EFHC1: variants seen among roughly 807,000 people sequenced by gnomAD.
EFHC1 encodes the protein EF-hand domain-containing protein 1.
EFHC1 carries 53 observed loss-of-function variants against 69.9 expected under a neutral mutation model. The observed-to-expected ratio is 0.76, with a 90% CI of 0.61 to 0.95. EFHC1 has a LOEUF of 0.95. Among genes scored for constraint, EFHC1 ranks in the 40% least tolerant of loss-of-function variants. The probability of loss-of-function intolerance (pLI) is 0.00; values close to 1 mark genes in which losing one functional copy is unlikely to be tolerated. For missense variants in EFHC1, 739 were observed against 798.7 expected, an observed-to-expected ratio of 0.93 and a Z score of 0.90; for synonymous variants, 256 against 278.4, an observed-to-expected ratio of 0.92 and a Z score of 0.80.
intron 5 of EFHC1, among the ~76,000 whole-genome samples, chr6:52,455,600 G>A (rs142666336): frequency 0.037 from 5,571 of 151,998 alleles, 325 homozygotes; most frequent in African/African-American, 0.12. Flanking sequence ...GTTGTGGCGA[G>A]CCAAGATCGT....
Position 52,494,667 on chromosome 6 carries a change from T to A in EFHC1, c.*2326T>A, listed in dbSNP as rs556066954. ...CCCAGGTAGTGAGCATAGTGCCCAG[T>A]AAGTAGTTTTTCCACACATACCCCC... On this transcript the variant is annotated 3_prime_UTR_variant, in exon 11 of 11. Coordinates refer to ENST00000371068, the MANE Select transcript of EFHC1 (RefSeq NM_018100.4). 1.1e-5 allele frequency: 5 copies of A among 454,090 alleles called. No individual in the cohort carries two copies. The highest frequency in any genetic ancestry group is 7.8e-5 in the South Asian group (5 of 64,476). The allele number at this position is 454,090 out of a possible 1,614,324, so 28.1% of individuals were successfully genotyped here. A position where few individuals can be genotyped will look rare whatever the true frequency, so the allele number is the denominator to read the frequency against.
At chr6:52,423,662 T>TTTTTTTTTTC in intron 1 of EFHC1, 1 of 418,912 alleles carries the variant, frequency 2.4e-6, no homozygotes, top group South Asian at 3.3e-5. Flanking sequence ...AGCTAATTTT[T>TTTTTTTTTTC]TTTTTTTTTT....
chr6:52,491,241 T>A (rs1765896081), intron 10 of EFHC1, among the ~76,000 whole-genome samples: 1 of 152,246 alleles, frequency 6.6e-6, no homozygotes, highest in African/African-American at 2.4e-5. Context: ...GCCCAACTTT[T>A]GATTTTCAAA....
chr6:52,447,478 A>G (rs991263216), intron 3 of EFHC1, among the ~76,000 whole-genome samples: 5 of 152,100 alleles, frequency 3.3e-5, no homozygotes, highest in Admixed American at 6.5e-5. Flanking sequence ...CTTTTTTTCA[A>G]GGTTTTTAGC....
chr6:52,496,350 G>C lies in EFHC1; in HGVS notation c.*4009G>C, dbSNP rs1469663266. 6.6e-6 allele frequency: 1 copy of C among 152,290 alleles called. No individual in the cohort carries two copies. Among genetic ancestry groups the C allele is most frequent in the African/African-American group, 2.4e-5 (1 of 41,412 alleles). 9.4% of individuals were successfully genotyped at this position (152,290 alleles called of 1,614,324 possible). A position where few individuals can be genotyped will look rare whatever the true frequency, so the allele number is the denominator to read the frequency against. The stretch of plus-strand genomic sequence containing the variant: ...GGGACTAATAAAAATCTGCCTTGCG[G>C]GTAAAGATGGGCTGTGAGTTAGCCA... On this transcript the variant is annotated 3_prime_UTR_variant, in exon 11 of 11. Transcript: ENST00000371068.
chr6:52,458,164 A>C (rs1765085289), intron 5 of EFHC1, among the ~76,000 whole-genome samples: 1 of 152,224 alleles, frequency 6.6e-6, no homozygotes, highest in African/African-American at 2.4e-5. Context: ...TGCAAAAGTA[A>C]ATAAATAAAT....
At chr6:52,486,870 T>G (rs1765797628) in intron 9 of EFHC1, 1 of 152,230 alleles carries the variant, frequency 6.6e-6, no homozygotes, top group Admixed American at 6.5e-5. Flanking sequence ...CATTGGTTGT[T>G]TCCAAGTATA....
intron 9 of EFHC1, chr6:52,485,995 T>G (rs1448000384): frequency 6.6e-6 from 1 of 152,158 alleles, no homozygotes; most frequent in Admixed American, 6.5e-5. Flanking sequence ...GAAAAACACA[T>G]GGAGACGATA....
chr6:52,433,697 T>C (rs1413447110), intron 2 of EFHC1, among the ~76,000 whole-genome samples: 1 of 152,098 alleles, frequency 6.6e-6, no homozygotes, highest in Admixed American at 6.5e-5. Flanking sequence ...TTAGCTGTGG[T>C]AGTATGGGGG....
intron 9 of EFHC1, chr6:52,483,521 C>T (rs1371805021): frequency 6.6e-6 from 1 of 152,214 alleles, no homozygotes; most frequent in Non-Finnish European, 1.5e-5. Flanking sequence ...AGAATTGTAG[C>T]TCAAAGGCAG....
chr6:52,426,009 C>T (rs1764292949), intron 2 of EFHC1, among the ~76,000 whole-genome samples: 1 of 152,186 alleles, frequency 6.6e-6, no homozygotes, highest in Non-Finnish European at 1.5e-5. Flanking sequence ...AGACTGACTT[C>T]CAGCTCTTTA....
chr6:52,491,618 G>A (rs933018627), intron 10 of EFHC1, among the ~76,000 whole-genome samples: 13 of 152,204 alleles, frequency 8.5e-5, no homozygotes, highest in Admixed American at 4.6e-4. Context: ...ACATCTCTAC[G>A]ACAATTACTA....
chr6:52,475,199 A>G (rs1428068065), intron 7 of EFHC1, among the ~76,000 whole-genome samples: 2 of 152,198 alleles, frequency 1.3e-5, no homozygotes, highest in Non-Finnish European at 2.9e-5. Flanking sequence ...GAATGTATTC[A>G]TTAGACTCAT....
At chr6:52,422,485 T>C (rs1438375455) in intron 1 of EFHC1, among the ~76,000 whole-genome samples, 2 of 152,230 alleles carry the variant, frequency 1.3e-5, no homozygotes, top group African/African-American at 4.8e-5. Context: ...ATATACAGTT[T>C]ATAACCCTTT....
intron 3 of EFHC1, among the ~76,000 whole-genome samples, chr6:52,441,006 A>C: frequency 6.6e-6 from 1 of 151,394 alleles, no homozygotes. Flanking sequence ...CTTGTAAATT[A>C]AAGTTTCTTA....
chr6:52,479,231 C>G lies in EFHC1; in HGVS notation c.1473C>G (p.Phe491Leu). Residue 491 changes from phenylalanine to leucine, a missense_variant, in exon 8 of 11, where the codon TTC becomes TTG. Physicochemically the swap from Phe to Leu is conservative, Grantham distance 22. Transcript: ENST00000371068. Reference protein sequence around the residue: ...NPVYYGPSDFFIGAVIEVFGH... With the variant: ...NPVYYGPSDFLIGAVIEVFGH... Reference sequence around the variant, plus strand: ...TCTACTATGGCCCCAGTGACTTCTTCATTGGTGCTGTGATTGAAGGTAGGT... The same window carrying G: ...TCTACTATGGCCCCAGTGACTTCTTGATTGGTGCTGTGATTGAAGGTAGGT... 6.2e-7 allele frequency: 1 copy of G among 1,614,068 alleles called. No homozygotes were observed. Among genetic ancestry groups the G allele is most frequent in the South Asian group, 1.1e-5 (1 of 91,076 alleles).
At chr6:52,430,466 C>T (rs76158786) in intron 2 of EFHC1, 4 of 152,064 alleles carry the variant, frequency 2.6e-5, no homozygotes, top group African/African-American at 9.7e-5. Flanking sequence ...TTGAGATGAT[C>T]GTGTGATTTT....
In EFHC1 at chr6:52,492,765, C is replaced by T. The variant is rs1467527994; in HGVS notation, c.*424C>T. ...CAGTAGCTGGGACAACAGGCTCAAG[C>T]CACCATGCCCAGCTAATTTTTAAAA... On this transcript the variant is annotated 3_prime_UTR_variant, in exon 11 of 11. Transcript: ENST00000371068. 5 of 442,326 alleles carry T rather than the reference C, an allele frequency of 1.1e-5. No homozygotes were observed. Among genetic ancestry groups the T allele is most frequent in the East Asian group, 7.0e-5 (1 of 14,224 alleles). 27.4% of individuals were successfully genotyped at this position (442,326 alleles called of 1,614,324 possible).
intron 9 of EFHC1, 189 bp downstream of exon 9, chr6:52,479,976 T>C: frequency 1.1e-6 from 1 of 898,292 alleles, no homozygotes; most frequent in Non-Finnish European, 1.7e-6. Flanking sequence ...ACTTCATTTG[T>C]TTAGCAAATA....
Sources: allele counts gnomAD v4.1 joint callset (sites outside exome capture counted in the v4.1 genomes callset), GRCh38; gene constraint gnomAD v4.1.1; transcripts MANE v1.5; gene names NCBI Gene and HGNC (gene_info 2026-07-23, HGNC 2026-07-21).